Variants in NUBPL observed in about 807,000 individuals in gnomAD.
NUBPL encodes the protein NUBP iron-sulfur cluster assembly factor, mitochondrial.
NUBPL carries 31 observed loss-of-function variants against 45.7 expected under a neutral mutation model. The observed-to-expected ratio is 0.68, with a 90% CI of 0.51 to 0.92. NUBPL has a LOEUF of 0.92. NUBPL is among the 40% of genes least tolerant of loss of function. The pLI, the probability that NUBPL is intolerant of heterozygous loss-of-function variation, is 0.00. For missense variants in NUBPL, 401 were observed against 398.7 expected (o/e 1.01, Z -0.05); for synonymous variants, 144 against 140.9 (o/e 1.02, Z -0.15).
intron 6 of NUBPL, among the ~76,000 whole-genome samples, chr14:31,682,384 TA>T (rs1337105250): frequency 1.3e-5 from 2 of 152,212 alleles, no homozygotes; most frequent in Non-Finnish European, 2.9e-5. Context: ...TTAATTCTTT[TA>T]CTTTTAACCT....
At chr14:31,802,383 C>A (rs1042643170) in intron 7 of NUBPL, among the ~76,000 whole-genome samples, 14 of 152,076 alleles carry the variant, frequency 9.2e-5, no homozygotes, top group African/African-American at 3.4e-4. Flanking sequence ...TCAAGCAATT[C>A]TCCTGCCTCA....
At chr14:31,857,952 A>T (rs2040651288) in intron 10 of NUBPL, among the ~76,000 whole-genome samples, 1 of 152,008 alleles carries the variant, frequency 6.6e-6, no homozygotes, top group African/African-American at 2.4e-5. Context: ...GCAACGCCAC[A>T]CTCTACTGGT....
At chr14:31,802,020 T>C (rs536119854) in intron 7 of NUBPL, among the ~76,000 whole-genome samples, 1 of 152,266 alleles carries the variant, frequency 6.6e-6, no homozygotes, top group African/African-American at 2.4e-5. Flanking sequence ...CCCACAAAAG[T>C]TCATGTGTTA....
At chr14:31,747,434 GCCTGT>G (rs916090828) in intron 6 of NUBPL, among the ~76,000 whole-genome samples, 1 of 151,446 alleles carries the variant, frequency 6.6e-6, no homozygotes, top group African/African-American at 2.4e-5. Flanking sequence ...ACCGCATCCG[GCCTGT>G]CCTGGGCTTT....
intron 6 of NUBPL, among the ~76,000 whole-genome samples, chr14:31,755,627 AT>A: frequency 6.6e-6 from 1 of 151,720 alleles, no homozygotes; most frequent in Admixed American, 6.5e-5. Flanking sequence ...GGTTGCAAAA[AT>A]TTTCTCCCAT....
rs34251298 is a variant in NUBPL, at chr14:31,683,018, C to CTTTT, written c.513+9458_513+9461dup. ...GAGGCGGGGAGGAGGTGCTAGGTTC[C>CTTTT]TTTTTTTTTTTTTTTTTGACAACGA... is the stretch of plus-strand genomic sequence containing the variant. On this transcript the variant is annotated intron_variant, in intron 6 of 10. Coordinates refer to ENST00000281081, the MANE Select transcript of NUBPL (RefSeq NM_025152.3). Among the ~76,000 whole-genome samples the CTTTT allele has an allele frequency of 1.1e-3, 153 of 134,010 alleles. No homozygotes were observed. The Middle Eastern group carries it at 0.012, about 10-fold the overall frequency. The allele number at this position is 134,010 out of a possible 152,430, so 87.9% of individuals were successfully genotyped here.
At chr14:31,711,167 G>A (rs1595529418) in intron 6 of NUBPL, among the ~76,000 whole-genome samples, 1 of 152,160 alleles carries the variant, frequency 6.6e-6, no homozygotes, top group Admixed American at 6.5e-5. Context: ...CAACCAACTT[G>A]TTGTTCGGAC....
chr14:31,810,039 A>G (rs1244207384), intron 7 of NUBPL, among the ~76,000 whole-genome samples: 1 of 152,162 alleles, frequency 6.6e-6, no homozygotes, highest in Non-Finnish European at 1.5e-5. Flanking sequence ...ACTTCCAACT[A>G]TGTGGTCAAT....
chr14:31,752,069 A>C (rs2038544141), intron 6 of NUBPL, among the ~76,000 whole-genome samples: 1 of 152,134 alleles, frequency 6.6e-6, no homozygotes, highest in African/African-American at 2.4e-5. Flanking sequence ...TTTCCTTCCT[A>C]GGCCTCTGGC....
chr14:31,759,051 A>T lies in NUBPL; in HGVS notation c.514-28729A>T, dbSNP rs373505097. ...TTAGAACATACCCTTTCCACCAGAA[A>T]CATCCCACTATCGACTTTAAAAAAA... On this transcript the variant is annotated intron_variant, in intron 6 of 10. Coordinates refer to ENST00000281081, the MANE Select transcript of NUBPL (RefSeq NM_025152.3). Among the ~76,000 whole-genome samples the T allele has an allele frequency of 2.5e-3, 386 of 152,110 alleles. 5 individuals are homozygous for T. Among genetic ancestry groups the T allele is most frequent in the South Asian group, 0.022 (108 of 4,800 alleles).
chr14:31,855,450 T>A (rs879414180), intron 10 of NUBPL, among the ~76,000 whole-genome samples: 23 of 152,178 alleles, frequency 1.5e-4, no homozygotes, highest in Non-Finnish European at 3.1e-4. Flanking sequence ...TGGACCCAGG[T>A]TTGAAGGTTT....
intron 6 of NUBPL, among the ~76,000 whole-genome samples, chr14:31,676,434 A>G (rs1015800771): frequency 1.3e-5 from 2 of 151,896 alleles, no homozygotes; most frequent in Non-Finnish European, 2.9e-5. Flanking sequence ...GTAGGATTCC[A>G]TTGTATGAAT....
chr14:31,567,746 G>C (rs1372681424), intron 3 of NUBPL, among the ~76,000 whole-genome samples: 1 of 152,150 alleles, frequency 6.6e-6, no homozygotes, highest in Non-Finnish European at 1.5e-5. Context: ...ACTTAGGATG[G>C]TTCTTGTAAT....
At chr14:31,667,738 A>T (rs949098991) in intron 4 of NUBPL, 7 of 152,062 alleles carry the variant, frequency 4.6e-5, no homozygotes, top group Non-Finnish European at 8.8e-5. Flanking sequence ...GGTTTTTTGC[A>T]TGGGCGTGCT....
chr14:31,826,045 T>C (rs538451896), intron 7 of NUBPL, among the ~76,000 whole-genome samples: 1 of 152,176 alleles, frequency 6.6e-6, no homozygotes, highest in Admixed American at 6.5e-5. Context: ...ACTAGCACAT[T>C]ATCTGAATGA....
intron 6 of NUBPL, among the ~76,000 whole-genome samples, chr14:31,734,475 A>C (rs560513083): frequency 2.0e-5 from 3 of 152,242 alleles, no homozygotes; most frequent in Non-Finnish European, 4.4e-5. Context: ...AGAAAGCTTC[A>C]AAAACCAAAT....
intron 7 of NUBPL, among the ~76,000 whole-genome samples, chr14:31,800,083 G>T (rs899912104): frequency 6.6e-6 from 1 of 151,700 alleles, no homozygotes; most frequent in Non-Finnish European, 1.5e-5. Context: ...AATTCATAAG[G>T]AGCAATTCCT....
At chr14:31,807,799 A>G (rs1240388521) in intron 7 of NUBPL, among the ~76,000 whole-genome samples, 3 of 152,134 alleles carry the variant, frequency 2.0e-5, no homozygotes, top group Non-Finnish European at 4.4e-5. Context: ...TAATTTTTGT[A>G]TAAGGTGTAA....
intron 6 of NUBPL, among the ~76,000 whole-genome samples, chr14:31,693,186 G>T (rs79272386): frequency 1.7e-4 from 26 of 152,102 alleles, no homozygotes; most frequent in African/African-American, 6.0e-4. Flanking sequence ...AAGGTGAATT[G>T]TGAAACAATT....
Sources: allele counts gnomAD v4.1 joint callset (sites outside exome capture counted in the v4.1 genomes callset), GRCh38; gene constraint gnomAD v4.1.1; transcripts MANE v1.5; gene names NCBI Gene and HGNC (gene_info 2026-07-23, HGNC 2026-07-21).